The following PEAK1 variants were observed in gnomAD, a reference collection of about 807,000 sequenced individuals.
PEAK1 encodes inactive tyrosine-protein kinase PEAK1.
PEAK1 carries 54 observed loss-of-function variants against 124.7 expected under a neutral mutation model. That is an observed-to-expected ratio of 0.43 (90% CI 0.35 to 0.54). PEAK1 has a LOEUF of 0.54. Ranked by LOEUF, PEAK1 falls within the 20% of genes least tolerant of loss-of-function variation. PEAK1 has a pLI of 0.01. For missense variants in PEAK1, 2,046 were observed against 2,134.5 expected, an observed-to-expected ratio of 0.96 and a Z score of 0.82; for synonymous variants, 719 against 760.0, an observed-to-expected ratio of 0.95 and a Z score of 0.89.
At chr15:77,402,675 G>A in intron 1 of PEAK1, 1 of 985,320 alleles carries the variant, frequency 1.0e-6, no homozygotes, top group Non-Finnish European at 1.2e-6. Flanking sequence ...GTATCGTTTA[G>A]TTAATGGTTC....
chr15:77,154,109 T>C (rs1036067332), intron 8 of PEAK1, among the ~76,000 whole-genome samples: 1 of 152,150 alleles, frequency 6.6e-6, no homozygotes, highest in African/African-American at 2.4e-5. Context: ...ATTATTATTG[T>C]GTGGGAGTCT....
chr15:77,173,447 CT>C (rs1001505622), intron 7 of PEAK1, among the ~76,000 whole-genome samples: 1 of 152,042 alleles, frequency 6.6e-6, no homozygotes. Flanking sequence ...ACCTATTTAT[CT>C]TTTTTTGTGG....
intron 1 of PEAK1, among the ~76,000 whole-genome samples, chr15:77,367,795 G>A (rs560389648): frequency 1.3e-5 from 2 of 152,254 alleles, no homozygotes; most frequent in East Asian, 3.9e-4. Flanking sequence ...ATAAGCTTGA[G>A]GTTTTAATAA....
At chr15:77,360,954 A>C (rs2067849157) in intron 2 of PEAK1, among the ~76,000 whole-genome samples, 1 of 152,118 alleles carries the variant, frequency 6.6e-6, no homozygotes, top group Admixed American at 6.5e-5. Flanking sequence ...GCTCCAGGAC[A>C]CTGGTCTGGG....
At chr15:77,311,165 G>C (rs2064413843) in intron 2 of PEAK1, among the ~76,000 whole-genome samples, 1 of 152,122 alleles carries the variant, frequency 6.6e-6, no homozygotes, top group South Asian at 2.1e-4. Context: ...AATGAAGACG[G>C]AAGTAGATGA....
intron 6 of PEAK1, among the ~76,000 whole-genome samples, chr15:77,250,144 G>GATATATATGTATATGT (rs1555456239): frequency 5.0e-5 from 6 of 121,176 alleles, no homozygotes; most frequent in African/African-American, 2.6e-4. Flanking sequence ...TCACTGTTAA[G>GATATATATGTATATGT]ATATATATAT....
chr15:77,287,541 T>C (rs1213691377), intron 2 of PEAK1, among the ~76,000 whole-genome samples: 1 of 152,198 alleles, frequency 6.6e-6, no homozygotes, highest in Non-Finnish European at 1.5e-5. Context: ...ATAGAACTTC[T>C]TCCTTCCCAG....
chr15:77,129,844 A>C (rs2052707796), intron 9 of PEAK1, among the ~76,000 whole-genome samples: 2 of 152,202 alleles, frequency 1.3e-5, no homozygotes, highest in Admixed American at 1.3e-4. Context: ...TAGTATGGGA[A>C]GGGAATTTAA....
chr15:77,153,943 GA>G (rs1416012900), intron 8 of PEAK1, among the ~76,000 whole-genome samples: 1 of 152,088 alleles, frequency 6.6e-6, no homozygotes, highest in Non-Finnish European at 1.5e-5. Context: ...GTGTGGTGCT[GA>G]AAAAAATGTA....
intron 6 of PEAK1, among the ~76,000 whole-genome samples, chr15:77,250,676 G>A (rs2060838257): frequency 1.3e-5 from 2 of 151,490 alleles, no homozygotes; most frequent in Admixed American, 1.3e-4. Flanking sequence ...CTTGTGATCT[G>A]CCTGCCTCAG....
chr15:77,346,872 A>G, intron 2 of PEAK1: 1 of 492,306 alleles, frequency 2.0e-6, no homozygotes, highest in Non-Finnish European at 2.6e-6. Context: ...TGTCCCCATC[A>G]GAGGAGATTA....
chr15:77,244,649 C>T (rs2060499926), intron 6 of PEAK1, among the ~76,000 whole-genome samples: 1 of 151,848 alleles, frequency 6.6e-6, no homozygotes. Flanking sequence ...ACTGCAGTGG[C>T]ACAATCTCGG....
chr15:77,370,928 G>A, intron 1 of PEAK1: 1 of 427,846 alleles, frequency 2.3e-6, no homozygotes, highest in Non-Finnish European at 3.1e-6. Context: ...TACTCAGGAG[G>A]CTGAGGTAGG....
chr15:77,210,768 T>C (rs1018178564), intron 6 of PEAK1, among the ~76,000 whole-genome samples: 1 of 152,066 alleles, frequency 6.6e-6, no homozygotes, highest in African/African-American at 2.4e-5. Flanking sequence ...TAATCCCAGC[T>C]ACTCAGGAGG....
chr15:77,247,045 T>C (rs866453818), intron 6 of PEAK1, among the ~76,000 whole-genome samples: 2 of 152,122 alleles, frequency 1.3e-5, no homozygotes, highest in Non-Finnish European at 2.9e-5. Flanking sequence ...AGAAATATGA[T>C]AGATTTTTAT....
In PEAK1 at chr15:77,180,312, T is replaced by C. The variant is rs749871066; in HGVS notation, c.1615A>G (p.Thr539Ala). The change falls in exon 7 of 10, where the codon ACC becomes GCC. Residue 539 changes from threonine (T) to alanine (A), a missense_variant. Coordinates refer to ENST00000682557, the MANE Select transcript of PEAK1 (RefSeq NM_001385026.1). ...IRYQEVWTSSTSPRQKIPKVE... is the reference protein window; with the variant it reads ...IRYQEVWTSSASPRQKIPKVE... ...TTAGGTATCTTTTGTCGTGGACTGG[T>C]GCTAGAAGTCCATACTTCTTGGTAT... is the stretch of plus-strand genomic sequence containing the variant. 1.2e-5 allele frequency: 20 copies of C among 1,613,990 alleles called. No homozygotes were observed. Among genetic ancestry groups the C allele is most frequent in the Non-Finnish European group, 1.4e-5 (17 of 1,179,964 alleles).
At chr15:77,348,778 T>G in intron 2 of PEAK1, 1 of 984,134 alleles carries the variant, frequency 1.0e-6, no homozygotes, top group Non-Finnish European at 1.2e-6. Flanking sequence ...ATGAATATCT[T>G]TTTTTCTTTT....
At chr15:77,298,375 C>T (rs1008510778) in intron 2 of PEAK1, among the ~76,000 whole-genome samples, 19 of 151,090 alleles carry the variant, frequency 1.3e-4, no homozygotes, top group African/African-American at 1.7e-4. Context: ...CCCGCCACCA[C>T]GCCCAGCTAA....
chr15:77,407,484 G>T (rs373534775), intron 1 of PEAK1, among the ~76,000 whole-genome samples: 2 of 151,994 alleles, frequency 1.3e-5, no homozygotes, highest in South Asian at 2.1e-4. Context: ...TCAAAAGAAG[G>T]TATACAAATG....
Sources: gnomAD v4.1 joint callset for allele counts (sites outside exome capture counted in the v4.1 genomes callset) on GRCh38, gnomAD v4.1.1 for gene constraint, MANE v1.5 for transcripts, NCBI Gene and HGNC (gene_info 2026-07-23, HGNC 2026-07-21) for gene names.